COL22A1: variants seen among roughly 807,000 people sequenced by gnomAD.
COL22A1 encodes collagen alpha-1(XXII) chain.
In COL22A1, 221 loss-of-function variants were observed where a neutral mutation model predicts 248.9. That is an observed-to-expected ratio of 0.89 (90% CI 0.80 to 0.99). COL22A1 has a LOEUF of 0.99. Among genes scored for constraint, COL22A1 ranks in the 50% least tolerant of loss-of-function variants. The probability of loss-of-function intolerance (pLI) is 0.00; values close to 1 mark genes in which losing one functional copy is unlikely to be tolerated. For synonymous variants in COL22A1, 891 were observed against 793.4 expected (o/e 1.12, Z -2.07); for missense variants, 2,240 against 2,179.0 (o/e 1.03, Z -0.56).
chr8:138,656,525 T>G (rs1350340582), intron 44 of COL22A1, among the ~76,000 whole-genome samples: 1 of 152,072 alleles, frequency 6.6e-6, no homozygotes, highest in South Asian at 2.1e-4. Flanking sequence ...AGTCTGCAGG[T>G]GGATGAATTC....
intron 7 of COL22A1, among the ~76,000 whole-genome samples, chr8:138,815,889 C>G (rs553789989): frequency 3.9e-5 from 6 of 152,296 alleles, no homozygotes; most frequent in African/African-American, 1.4e-4. Flanking sequence ...GCTCCCTTCT[C>G]AGGCCCATGT....
chr8:138,833,245 C>A, intron 4 of COL22A1, 95 bp from the exon 5 acceptor site: 1 of 802,202 alleles, frequency 1.2e-6, no homozygotes, highest in East Asian at 2.5e-5. Context: ...GCAGCCTGCC[C>A]ATCCTGCCCC....
At chr8:138,811,476 A>G (rs1389120315) in intron 9 of COL22A1, among the ~76,000 whole-genome samples, 1 of 152,148 alleles carries the variant, frequency 6.6e-6, no homozygotes, top group Admixed American at 6.5e-5. Flanking sequence ...ATCCTCACTC[A>G]CTGTCTTCTT....
At chr8:138,800,848 T>A (rs1816942147) in intron 11 of COL22A1, among the ~76,000 whole-genome samples, 1 of 152,146 alleles carries the variant, frequency 6.6e-6, no homozygotes, top group Admixed American at 6.5e-5. Context: ...GTCCCAGACA[T>A]GGAGGAGAGG....
chr8:138,862,118 T>C (rs1822531106), intron 3 of COL22A1, among the ~76,000 whole-genome samples: 1 of 151,380 alleles, frequency 6.6e-6, no homozygotes, highest in Non-Finnish European at 1.5e-5. Context: ...CTCGGGAGGC[T>C]GAGGCAGGAG....
intron 56 of COL22A1, among the ~76,000 whole-genome samples, chr8:138,610,934 T>A (rs375036494): frequency 1.8e-4 from 28 of 152,182 alleles, no homozygotes; most frequent in African/African-American, 6.7e-4. Flanking sequence ...GGCATGGTGG[T>A]ATGCACTTGT....
intron 62 of COL22A1, among the ~76,000 whole-genome samples, chr8:138,595,597 T>A (rs1234505249): frequency 6.6e-6 from 1 of 152,100 alleles, no homozygotes; most frequent in East Asian, 1.9e-4. Flanking sequence ...CCTTAACGTG[T>A]GCTTCAGAAA....
chr8:138,782,109 T>A (rs1445111564), intron 12 of COL22A1, among the ~76,000 whole-genome samples: 2 of 152,260 alleles, frequency 1.3e-5, no homozygotes, highest in East Asian at 3.8e-4. Flanking sequence ...GGCCTCAACA[T>A]TCTGTCTGAC....
In COL22A1 at chr8:138,749,750, C is replaced by G. The variant is rs894483454; in HGVS notation, c.2085+1708G>C. Among the ~76,000 whole-genome samples, 12 of 152,184 alleles carry G rather than the reference C, an allele frequency of 7.9e-5. 1 individual carries two copies. In the South Asian group the frequency reaches 1.2e-3, roughly 16 times the overall value. Reference sequence around the variant, plus strand: ...ATCAGCACTTCAATCCCAGGTGCATCTTGTTCTGAAGCCCAGGATCCTTCC... The same window carrying G: ...ATCAGCACTTCAATCCCAGGTGCATGTTGTTCTGAAGCCCAGGATCCTTCC... On this transcript the variant is annotated intron_variant, in intron 22 of 64. Transcript: ENST00000303045.
At chr8:138,717,475 GT>G (rs1201863408) in intron 27 of COL22A1, among the ~76,000 whole-genome samples, 2 of 151,872 alleles carry the variant, frequency 1.3e-5, no homozygotes, top group African/African-American at 4.8e-5. Flanking sequence ...TTTAGTTTTA[GT>G]TTTTTTAGAG....
At chr8:138,771,966 C>G (rs1457081231) in intron 16 of COL22A1, among the ~76,000 whole-genome samples, 1 of 152,190 alleles carries the variant, frequency 6.6e-6, no homozygotes, top group East Asian at 1.9e-4. Context: ...GAGACGGTTC[C>G]TGCTGTGGAC....
intron 62 of COL22A1, among the ~76,000 whole-genome samples, chr8:138,595,290 T>G (rs1451443403): frequency 6.6e-6 from 1 of 152,102 alleles, no homozygotes; most frequent in Non-Finnish European, 1.5e-5. Context: ...GAGCCTTGAT[T>G]TTCTCATCGT....
chr8:138,786,243 A>G (rs1815503670), intron 12 of COL22A1, among the ~76,000 whole-genome samples: 1 of 152,176 alleles, frequency 6.6e-6, no homozygotes, highest in African/African-American at 2.4e-5. Context: ...GGCCACCCTT[A>G]CTGTGTATTC....
intron 39 of COL22A1, among the ~76,000 whole-genome samples, chr8:138,681,801 G>A (rs1244023198): frequency 1.3e-5 from 2 of 152,178 alleles, no homozygotes; most frequent in Admixed American, 6.5e-5. Flanking sequence ...CGCAGTCAGG[G>A]AAATGAGGAG....
chr8:138,634,919 A>C, intron 49 of COL22A1, 91 bp downstream of exon 49: 1 of 891,070 alleles, frequency 1.1e-6, no homozygotes, highest in Non-Finnish European at 1.8e-6. Flanking sequence ...AAAATGAGAG[A>C]TATGCTCAGT....
chr8:138,796,887 C>A, intron 11 of COL22A1, 30 bp from the exon 12 acceptor site: 1 of 1,467,300 alleles, frequency 6.8e-7, no homozygotes, highest in Non-Finnish European at 9.6e-7. Context: ...CAAAGATTCA[C>A]TACAGAGCAT....
chr8:138,690,286 T>G (rs2130888809), intron 36 of COL22A1, among the ~76,000 whole-genome samples: 1 of 152,300 alleles, frequency 6.6e-6, no homozygotes, highest in East Asian at 1.9e-4. Flanking sequence ...ATGGTGAATC[T>G]TAAAGCTGGT....
chr8:138,624,552 C>T (rs543261721), intron 51 of COL22A1, among the ~76,000 whole-genome samples: 2 of 152,304 alleles, frequency 1.3e-5, no homozygotes, highest in East Asian at 3.9e-4. Context: ...GGTTGTATCT[C>T]TCTTCTCCAG....
intron 41 of COL22A1, among the ~76,000 whole-genome samples, chr8:138,674,121 C>G (rs1389361226): frequency 6.6e-6 from 1 of 152,174 alleles, no homozygotes; most frequent in Admixed American, 6.5e-5. Flanking sequence ...ACCTCCCAAA[C>G]AAACTCCTTG....
Sources: allele counts gnomAD v4.1 joint callset (sites outside exome capture counted in the v4.1 genomes callset), GRCh38; gene constraint gnomAD v4.1.1; transcripts MANE v1.5; gene names NCBI Gene and HGNC (gene_info 2026-07-23, HGNC 2026-07-21).